Variants in PDZD2 observed in about 807,000 individuals in gnomAD.
PDZD2 encodes PDZ domain containing 2.
A neutral mutation model predicts 220.7 loss-of-function variants in PDZD2; 90 were observed. That is an observed-to-expected ratio of 0.41 (90% CI 0.34 to 0.49). The LOEUF (loss-of-function observed/expected upper bound fraction) is 0.49, where lower values mean the gene tolerates loss of function less well. PDZD2 is among the 20% of genes least tolerant of loss of function. PDZD2 has a pLI of 0.28. For synonymous variants in PDZD2, 1,375 were observed against 1,450.5 expected, an observed-to-expected ratio of 0.95 and a Z score of 1.18; for missense variants, 3,174 against 3,608.5, an observed-to-expected ratio of 0.88 and a Z score of 3.08.
intron 1 of PDZD2, among the ~76,000 whole-genome samples, chr5:31,740,021 G>A (rs555207494): frequency 2.7e-4 from 41 of 152,062 alleles, no homozygotes; most frequent in Admixed American, 2.7e-3. Context: ...CAAATGCCTG[G>A]AACATCCCAA....
intron 2 of PDZD2, among the ~76,000 whole-genome samples, chr5:31,804,073 A>C (rs796352120): frequency 1.3e-5 from 2 of 152,054 alleles, no homozygotes; most frequent in African/African-American, 4.8e-5. Context: ...AGAAAATAAG[A>C]ACATATAATG....
At chr5:31,678,115 TGG>T (rs1205406081) in intron 1 of PDZD2, among the ~76,000 whole-genome samples, 3 of 152,186 alleles carry the variant, frequency 2.0e-5, no homozygotes, top group Non-Finnish European at 4.4e-5. Context: ...ACTCCAGACA[TGG>T]GGGACAGATG....
rs747213410 is a variant in PDZD2 at position 32,058,108 on chromosome 5, T to C, written c.2200+5T>C. 6 of 1,361,292 alleles carry C rather than the reference T, an allele frequency of 4.4e-6. No homozygotes were observed. Among genetic ancestry groups the C allele is most frequent in the African/African-American group, 2.9e-5 (2 of 70,106 alleles). The allele number at this position is 1,361,292 out of a possible 1,614,324, so 84.3% of individuals were successfully genotyped here. The stretch of plus-strand genomic sequence containing the variant: ...TGGAAGTAACACTCAACAAAGGTGA[T>C]AGCAGCTATTCCTTACCTTTGTCTC... On this transcript the variant is annotated splice_donor_5th_base_variant and intron_variant, in intron 12 of 24. Coordinates refer to ENST00000438447, the MANE Select transcript of PDZD2 (RefSeq NM_178140.4).
intron 2 of PDZD2, among the ~76,000 whole-genome samples, chr5:31,878,243 G>T (rs1739496016): frequency 6.6e-6 from 1 of 152,090 alleles, no homozygotes; most frequent in Non-Finnish European, 1.5e-5. Flanking sequence ...GCGCTATCCT[G>T]GGCCACTTCA....
intron 7 of PDZD2, among the ~76,000 whole-genome samples, chr5:32,045,345 CT>C (rs1204546543): frequency 6.6e-6 from 1 of 151,982 alleles, no homozygotes; most frequent in Non-Finnish European, 1.5e-5. Context: ...CTTCATACCC[CT>C]TTTTTGTCAG....
rs1746483872 is a variant in PDZD2, at chr5:31,677,614, TTAAAAAAAAAAAAAAA to T, written c.-361+38178_-361+38193del. ...CTGGGCGACAGAGCGAGACTCCGTCTTAAAAAAAAAAAAAAAAAAAAAAAAAAAAGGAGGTATATCC... is the reference window on the plus strand; with the variant it reads ...CTGGGCGACAGAGCGAGACTCCGTCTAAAAAAAAAAAAAGGAGGTATATCC... On this transcript the variant is annotated intron_variant, in intron 1 of 24. Coordinates refer to ENST00000438447, the MANE Select transcript of PDZD2 (RefSeq NM_178140.4). 3.3e-3 allele frequency among the ~76,000 whole-genome samples: 4 copies of T among 1,200 alleles called. 2 individuals carry two copies. The highest frequency in any genetic ancestry group is 0.024 in the Non-Finnish European group (4 of 168). The allele number at this position is 1,200 out of a possible 152,430, so 0.8% of individuals were successfully genotyped here. A position where few individuals can be genotyped will look rare whatever the true frequency, so the allele number is the denominator to read the frequency against.
At chr5:32,084,320 C>T (rs1444405349) in intron 19 of PDZD2, among the ~76,000 whole-genome samples, 3 of 152,242 alleles carry the variant, frequency 2.0e-5, no homozygotes, top group Non-Finnish European at 4.4e-5. Flanking sequence ...CTTCCTGGGG[C>T]GACCGCTGGC....
Position 32,066,273 on chromosome 5 carries a change from A to T in PDZD2, c.2452-3296A>T, listed in dbSNP as rs1051393829. Among the ~76,000 whole-genome samples the T allele has an allele frequency of 2.0e-5, 3 of 152,220 alleles. No homozygotes were observed. The East Asian group carries it at 5.8e-4, about 29-fold the overall frequency. ...GGCAGGAGAATTGCTTGAACCTGGGAGGTAGAGGTTGCAGTAAGCTAAGAT... is the reference window on the plus strand; with the variant it reads ...GGCAGGAGAATTGCTTGAACCTGGGTGGTAGAGGTTGCAGTAAGCTAAGAT... On this transcript the variant is annotated intron_variant, in intron 14 of 24. Transcript: ENST00000438447.
chr5:32,019,980 T>C (rs1305754842), intron 6 of PDZD2, among the ~76,000 whole-genome samples: 1 of 152,088 alleles, frequency 6.6e-6, no homozygotes, highest in East Asian at 1.9e-4. Context: ...TCAGTTTATA[T>C]GTCCTTAAGG....
intron 1 of PDZD2, among the ~76,000 whole-genome samples, chr5:31,708,312 C>T (rs1197997932): frequency 6.6e-6 from 1 of 152,222 alleles, no homozygotes; most frequent in East Asian, 1.9e-4. Flanking sequence ...ACTGCATACC[C>T]CTCATTTACA....
At chr5:32,104,904 G>T (rs1299416934) in intron 24 of PDZD2, among the ~76,000 whole-genome samples, 2 of 152,042 alleles carry the variant, frequency 1.3e-5, no homozygotes, top group South Asian at 2.1e-4. Context: ...GGAGACCAAG[G>T]TGGGCAGATC....
chr5:32,071,272 A>G, intron 15 of PDZD2, 112 bp from the exon 16 acceptor site: 1 of 800,212 alleles, frequency 1.2e-6, no homozygotes, highest in Non-Finnish European at 2.2e-6. Flanking sequence ...TCATCAAGCA[A>G]AGGGAGTTTT....
chr5:31,817,185 CAAA>C (rs33979989), intron 2 of PDZD2, among the ~76,000 whole-genome samples: 1 of 95,730 alleles, frequency 1.0e-5, no homozygotes, highest in Admixed American at 1.3e-4. Flanking sequence ...GACTCCGTCT[CAAA>C]AAAAAAAAAA....
chr5:31,908,487 C>CT (rs1742881379), intron 2 of PDZD2: 2 of 1,021,394 alleles, frequency 2.0e-6, no homozygotes, highest in Non-Finnish European at 1.4e-6. Flanking sequence ...ACACTGATGA[C>CT]TCGCTCATTG....
chr5:32,071,889 T>G (rs1292437366), intron 16 of PDZD2, among the ~76,000 whole-genome samples: 1 of 152,202 alleles, frequency 6.6e-6, no homozygotes, highest in African/African-American at 2.4e-5. Context: ...GGATGGCTGA[T>G]GTGTTGCTGC....
chr5:31,749,255 C>T (rs1302953418), intron 1 of PDZD2, among the ~76,000 whole-genome samples: 1 of 152,164 alleles, frequency 6.6e-6, no homozygotes, highest in Non-Finnish European at 1.5e-5. Context: ...AGATCAGTGA[C>T]ACAGCATAGG....
chr5:31,770,347 C>T (rs1752268233), intron 1 of PDZD2, among the ~76,000 whole-genome samples: 1 of 152,158 alleles, frequency 6.6e-6, no homozygotes, highest in Non-Finnish European at 1.5e-5. Context: ...ACTGACGGAA[C>T]CAATTGAATA....
chr5:31,989,278 A>G (rs907766472), intron 3 of PDZD2, among the ~76,000 whole-genome samples: 2 of 152,188 alleles, frequency 1.3e-5, no homozygotes, highest in Non-Finnish European at 2.9e-5. Flanking sequence ...TATGAGTGAG[A>G]ACATGGAGTA....
At chr5:31,848,858 G>T (rs1240704999) in intron 2 of PDZD2, among the ~76,000 whole-genome samples, 1 of 152,086 alleles carries the variant, frequency 6.6e-6, no homozygotes, top group Non-Finnish European at 1.5e-5. Context: ...GAACATCCTG[G>T]CTAACACGGT....
Sources: gnomAD v4.1 joint callset for allele counts (sites outside exome capture counted in the v4.1 genomes callset) on GRCh38, gnomAD v4.1.1 for gene constraint, MANE v1.5 for transcripts, NCBI Gene and HGNC (gene_info 2026-07-23, HGNC 2026-07-21) for gene names.